The following ANKRD12 variants were observed in gnomAD, a reference collection of about 807,000 sequenced individuals.
ANKRD12 encodes the protein ankyrin repeat domain 12, also known as ankyrin repeat domain-containing protein 12.
ANKRD12 carries 85 observed loss-of-function variants against 183.4 expected under a neutral mutation model. The observed-to-expected ratio is 0.46, with a 90% CI of 0.39 to 0.56. The LOEUF is 0.56. ANKRD12 is among the 20% of genes least tolerant of loss of function. ANKRD12 has a pLI of 0.00. For synonymous variants in ANKRD12, 914 were observed against 800.2 expected (o/e 1.14, Z -2.40); for missense variants, 2,405 against 2,357.1 (o/e 1.02, Z -0.42).
intron 2 of ANKRD12, among the ~76,000 whole-genome samples, chr18:9,183,349 A>G (rs528854007): frequency 1.6e-5 from 2 of 125,682 alleles, no homozygotes; most frequent in African/African-American, 3.0e-5. Context: ...TTGTATTGCC[A>G]TCTTAATATT....
Position 9,182,534 on chromosome 18 carries a change from T to C in ANKRD12, c.87+15T>C. The C allele has an allele frequency of 1.3e-6, 2 of 1,502,128 alleles. No homozygotes were observed. Among genetic ancestry groups the C allele is most frequent in the Non-Finnish European group, 1.8e-6 (2 of 1,111,662 alleles). The allele number at this position is 1,502,128 out of a possible 1,614,324, so 93.0% of individuals were successfully genotyped here. On this transcript the variant is annotated intron_variant, in intron 2 of 12. Coordinates refer to ENST00000262126, the MANE Select transcript of ANKRD12 (RefSeq NM_015208.5). Reference sequence around the variant, plus strand: ...ATGGAAGAAAGGTATATGATTATACTAAAGATTTGTTGACTTTTTGAACTG... The same window carrying C: ...ATGGAAGAAAGGTATATGATTATACCAAAGATTTGTTGACTTTTTGAACTG...
chr18:9,264,269 G>A (rs937280348), intron 10 of ANKRD12, among the ~76,000 whole-genome samples: 36 of 152,316 alleles, frequency 2.4e-4, no homozygotes, highest in African/African-American at 5.8e-4. Flanking sequence ...ATTTGTCCAC[G>A]TAGGTCGGCC....
intron 3 of ANKRD12, among the ~76,000 whole-genome samples, chr18:9,199,581 G>A (rs910885875): frequency 2.0e-5 from 3 of 151,712 alleles, no homozygotes; most frequent in African/African-American, 7.3e-5. Context: ...CTCTAGCAAG[G>A]GATTAACTGA....
At chr18:9,164,037 T>C (rs374480300) in intron 1 of ANKRD12, among the ~76,000 whole-genome samples, 2 of 152,318 alleles carry the variant, frequency 1.3e-5, no homozygotes, top group African/African-American at 2.4e-5. Flanking sequence ...CTTGCCTGAT[T>C]ACCCTGGCCA....
intron 1 of ANKRD12, among the ~76,000 whole-genome samples, chr18:9,173,620 G>GGT (rs2032963637): frequency 2.1e-5 from 3 of 142,794 alleles, no homozygotes; most frequent in Non-Finnish European, 4.7e-5. Flanking sequence ...GGGTGGTGGG[G>GGT]GGGGGGTAGG....
chr18:9,207,467 A>G (rs2144587863), intron 4 of ANKRD12, among the ~76,000 whole-genome samples: 1 of 152,230 alleles, frequency 6.6e-6, no homozygotes, highest in East Asian at 1.9e-4. Flanking sequence ...GATTTTTCTC[A>G]GCCATAAAGG....
chr18:9,211,439 G>A (rs902486791), intron 5 of ANKRD12, 145 bp from the exon 6 acceptor site: 12 of 674,750 alleles, frequency 1.8e-5, no homozygotes, highest in Non-Finnish European at 2.7e-5. Context: ...GTCATTAACG[G>A]ATCATCCAAG....
intron 9 of ANKRD12, among the ~76,000 whole-genome samples, chr18:9,260,702 G>A (rs2038916708): frequency 6.6e-6 from 1 of 152,152 alleles, no homozygotes; most frequent in South Asian, 2.1e-4. Flanking sequence ...CTCCAAGCAT[G>A]ATTTACTTAA....
intron 10 of ANKRD12, among the ~76,000 whole-genome samples, chr18:9,267,125 T>C (rs1188725165): frequency 1.3e-5 from 2 of 152,144 alleles, no homozygotes; most frequent in Non-Finnish European, 2.9e-5. Context: ...AGCAAGTCCT[T>C]AGAGACCTAG....
chr18:9,156,456 G>T (rs1216504625), intron 1 of ANKRD12, among the ~76,000 whole-genome samples: 3 of 152,132 alleles, frequency 2.0e-5, no homozygotes, highest in Non-Finnish European at 2.9e-5. Context: ...CCTGAAAAGA[G>T]ATTTAGTTAT....
chr18:9,236,043 A>G (rs1052596882), intron 8 of ANKRD12, among the ~76,000 whole-genome samples: 1 of 152,172 alleles, frequency 6.6e-6, no homozygotes, highest in African/African-American at 2.4e-5. Context: ...GGGACCAGCA[A>G]TAGTGATAGT....
chr18:9,182,644 A>G (rs2033781234), intron 2 of ANKRD12, 125 bp downstream of exon 2: 1 of 498,684 alleles, frequency 2.0e-6, no homozygotes, highest in Admixed American at 4.1e-5. Flanking sequence ...CAAACCATTT[A>G]TGCCCTTTAG....
chr18:9,280,348 C>G (rs967279513), intron 12 of ANKRD12, among the ~76,000 whole-genome samples: 2 of 152,216 alleles, frequency 1.3e-5, no homozygotes, highest in Admixed American at 1.3e-4. Flanking sequence ...CCGCCACTCA[C>G]CTCCTGCGGT....
chr18:9,204,675 G>A, intron 4 of ANKRD12, 131 bp downstream of exon 4: 2 of 658,184 alleles, frequency 3.0e-6, no homozygotes, highest in Middle Eastern at 2.7e-4. Flanking sequence ...GAACTACGTG[G>A]GTGACACCAC....
chr18:9,219,342 T>C (rs536354948), intron 7 of ANKRD12, among the ~76,000 whole-genome samples: 11 of 152,322 alleles, frequency 7.2e-5, no homozygotes, highest in Non-Finnish European at 7.4e-5. Context: ...ACTACAGTAT[T>C]ATTTATAATG....
chr18:9,187,823 GA>G (rs919778078), intron 2 of ANKRD12, among the ~76,000 whole-genome samples: 1 of 152,210 alleles, frequency 6.6e-6, no homozygotes, highest in Non-Finnish European at 1.5e-5. Context: ...AAATGTGAGA[GA>G]GGGGATATTA....
chr18:9,157,553 G>GTGTA (rs1231432683), intron 1 of ANKRD12, among the ~76,000 whole-genome samples: 5 of 90,710 alleles, frequency 5.5e-5, no homozygotes, highest in African/African-American at 2.4e-4. Context: ...GTGTGTGGGT[G>GTGTA]TGTGTGTGTG....
intron 2 of ANKRD12, among the ~76,000 whole-genome samples, chr18:9,186,096 C>T (rs944826118): frequency 6.7e-6 from 1 of 150,122 alleles, no homozygotes; most frequent in African/African-American, 2.5e-5. Flanking sequence ...AAAGTTGTCA[C>T]GAAATAAGTA....
intron 1 of ANKRD12, among the ~76,000 whole-genome samples, chr18:9,156,483 A>G (rs2030484554): frequency 6.6e-6 from 1 of 152,178 alleles, no homozygotes; most frequent in Non-Finnish European, 1.5e-5. Flanking sequence ...ATAAAGGAGT[A>G]AGAGTGTGGT....
Sources: allele counts gnomAD v4.1 joint callset (sites outside exome capture counted in the v4.1 genomes callset), GRCh38; gene constraint gnomAD v4.1.1; transcripts MANE v1.5; gene names NCBI Gene and HGNC (gene_info 2026-07-23, HGNC 2026-07-21).